The following TNIP3 variants were observed in gnomAD, a reference collection of about 807,000 sequenced individuals.
The protein encoded by TNIP3 is TNFAIP3 interacting protein 3, also known as TNFAIP3-interacting protein 3.
A neutral mutation model predicts 54.1 loss-of-function variants in TNIP3; 34 were observed. The ratio of observed to expected loss-of-function variants is 0.63; its 90% confidence interval spans 0.48 to 0.84. The LOEUF (loss-of-function observed/expected upper bound fraction) is 0.84, where lower values mean the gene tolerates loss of function less well. Among genes scored for constraint, TNIP3 ranks in the 40% least tolerant of loss-of-function variants. The pLI is 0.00. For synonymous variants in TNIP3, 134 were observed against 136.8 expected (o/e 0.98, Z 0.14); for missense variants, 366 against 387.6 (o/e 0.94, Z 0.47).
chr4:121,146,008 C>T (rs1197647687), intron 7 of TNIP3, among the ~76,000 whole-genome samples: 1 of 150,898 alleles, frequency 6.6e-6, no homozygotes, highest in Non-Finnish European at 1.5e-5. Context: ...AGAGAATATA[C>T]AATATATACT....
In TNIP3 at chr4:121,197,045, A is replaced by C. The variant is rs542959567; in HGVS notation, c.69-14249T>G. 1.8e-4 allele frequency among the ~76,000 whole-genome samples: 28 copies of C among 152,270 alleles called. No individual in the cohort carries two copies. In the South Asian group the frequency reaches 2.7e-3, roughly 15 times the overall value. The stretch of plus-strand genomic sequence containing the variant: ...TGACTCAAAGTCTTAATGAACTTAA[A>C]AAATACAATGTGTTAAATACATCAA... On this transcript the variant is annotated intron_variant, in intron 2 of 12. Transcript: ENST00000507879.
chr4:121,173,715 GC>G (rs1283184945), intron 3 of TNIP3, among the ~76,000 whole-genome samples: 1 of 152,078 alleles, frequency 6.6e-6, no homozygotes, highest in Non-Finnish European at 1.5e-5. Context: ...TGAAACCTCT[GC>G]CTCCCGAGTT....
intron 1 of TNIP3, among the ~76,000 whole-genome samples, chr4:121,163,119 A>G (rs1730555093): frequency 6.6e-6 from 1 of 151,160 alleles, no homozygotes; most frequent in Non-Finnish European, 1.5e-5. Context: ...CTAGTTTTTG[A>G]AATTCATAAG....
At chr4:121,144,391 G>A (rs778035424) in intron 7 of TNIP3, among the ~76,000 whole-genome samples, 2 of 151,928 alleles carry the variant, frequency 1.3e-5, no homozygotes, top group Non-Finnish European at 2.9e-5. Flanking sequence ...GTTTTCTAAA[G>A]CGTTTTTTTG....
At chr4:121,220,454 CAG>C (rs774739069), upstream of TNIP3, among the ~76,000 whole-genome samples, 6 of 152,094 alleles carry the variant, frequency 3.9e-5, no homozygotes, top group Non-Finnish European at 8.8e-5. Context: ...AATCTGAAAA[CAG>C]AATGCTTTTA....
upstream of TNIP3, among the ~76,000 whole-genome samples, chr4:121,220,349 G>C (rs939588053): frequency 6.6e-6 from 1 of 152,148 alleles, no homozygotes; most frequent in East Asian, 1.9e-4. Flanking sequence ...ATCTATTAGT[G>C]GTTGTCCACA....
intron 2 of TNIP3, among the ~76,000 whole-genome samples, chr4:121,195,183 A>G (rs548674038): frequency 1.3e-5 from 2 of 151,850 alleles, no homozygotes; most frequent in South Asian, 2.1e-4. Flanking sequence ...CAAAAAAAAA[A>G]CTTCTTAATT....
intron 3 of TNIP3, among the ~76,000 whole-genome samples, chr4:121,174,923 C>T (rs1459387960): frequency 6.6e-6 from 1 of 152,144 alleles, no homozygotes; most frequent in Non-Finnish European, 1.5e-5. Flanking sequence ...TTCAATCAAA[C>T]TAGAAACAAG....
chr4:121,157,075 G>A lies in TNIP3; in HGVS notation c.363+19C>T. On this transcript the variant is annotated intron_variant, in intron 4 of 10. Transcript: ENST00000057513. ...TTTTATTTGGATCCTCCGGGCTCGAGGACCCGGGCCCCGCCCACCTCCTCC... is the reference window on the plus strand; with the variant it reads ...TTTTATTTGGATCCTCCGGGCTCGAAGACCCGGGCCCCGCCCACCTCCTCC... The A allele has an allele frequency of 6.2e-7, 1 of 1,613,392 alleles. No homozygotes were observed. The highest frequency in any genetic ancestry group is 1.7e-5 in the Admixed American group (1 of 59,998).
chr4:121,152,533 A>ATT (rs1268756454), intron 5 of TNIP3, among the ~76,000 whole-genome samples: 10 of 152,268 alleles, frequency 6.6e-5, no homozygotes, highest in Admixed American at 1.3e-4. Flanking sequence ...TTGTCTACCA[A>ATT]ACATATTATA....
intron 1 of TNIP3, 103 bp downstream of exon 1, chr4:121,163,957 C>A: frequency 7.5e-7 from 1 of 1,341,672 alleles, no homozygotes; most frequent in South Asian, 1.7e-5. Context: ...CTAAAGAAAG[C>A]AAACTAGCCA....
rs1325402442 is a variant in TNIP3, at chr4:121,181,622, CA to C, written c.189+1053del. Among the ~76,000 whole-genome samples, 204 of 77,992 alleles carry C rather than the reference CA, an allele frequency of 2.6e-3. 1 individual carries two copies. Among genetic ancestry groups the C allele is most frequent in the African/African-American group, 0.011 (195 of 18,176 alleles). 51.2% of individuals were successfully genotyped at this position (77,992 alleles called of 152,430 possible). A position where few individuals can be genotyped will look rare whatever the true frequency, so the allele number is the denominator to read the frequency against. On this transcript the variant is annotated intron_variant, in intron 3 of 12. Coordinates refer to the TNIP3 transcript ENST00000507879. ...AAGTGAAGAGGGTAAGTTAATAAGACAGGTGTGTGTGTGTGTGTGTGTGTGT... is the reference window on the plus strand; with the variant it reads ...AAGTGAAGAGGGTAAGTTAATAAGACGGTGTGTGTGTGTGTGTGTGTGTGT...
intron 3 of TNIP3, among the ~76,000 whole-genome samples, chr4:121,170,905 T>C (rs1173068671): frequency 6.6e-6 from 1 of 152,122 alleles, no homozygotes; most frequent in African/African-American, 2.4e-5. Context: ...AATCTCTGCC[T>C]CCCGGGTTCA....
chr4:121,179,538 C>T (rs1724558130), intron 3 of TNIP3, among the ~76,000 whole-genome samples: 1 of 152,152 alleles, frequency 6.6e-6, no homozygotes, highest in African/African-American at 2.4e-5. Context: ...GCAAAGAGAT[C>T]TACTTTTAAG....
chr4:121,222,951 G>A (rs1159132909), intron 1 of TNIP3, among the ~76,000 whole-genome samples: 2 of 151,932 alleles, frequency 1.3e-5, no homozygotes, highest in East Asian at 3.9e-4. Context: ...GACTACAGGC[G>A]CCCACCACCA....
chr4:121,224,008 A>G (rs560293220), intron 1 of TNIP3, among the ~76,000 whole-genome samples: 1 of 152,362 alleles, frequency 6.6e-6, no homozygotes, highest in South Asian at 2.1e-4. Flanking sequence ...CCTCAAATGA[A>G]AATAAATGGA....
At chr4:121,158,605 G>A (rs1181777386) in intron 3 of TNIP3, 82 bp downstream of exon 3, 1 of 1,133,360 alleles carries the variant, frequency 8.8e-7, no homozygotes, top group South Asian at 1.3e-5. Flanking sequence ...CTTTGTAGCT[G>A]AAATGAATGA....
intron 10 of TNIP3, among the ~76,000 whole-genome samples, 186 bp downstream of exon 10, chr4:121,138,438 C>A (rs927141186): frequency 1.3e-5 from 2 of 152,198 alleles, no homozygotes; most frequent in Non-Finnish European, 2.9e-5. Flanking sequence ...TTTCTGCATT[C>A]GCACATTTTC....
At chr4:121,180,758 G>A (rs1724644469) in intron 3 of TNIP3, among the ~76,000 whole-genome samples, 1 of 152,214 alleles carries the variant, frequency 6.6e-6, no homozygotes, top group African/African-American at 2.4e-5. Context: ...TTATCATACA[G>A]TGGTGGTTTT....
Sources: gnomAD v4.1 joint callset for allele counts (sites outside exome capture counted in the v4.1 genomes callset) on GRCh38, gnomAD v4.1.1 for gene constraint, MANE v1.5 for transcripts, NCBI Gene and HGNC (gene_info 2026-07-23, HGNC 2026-07-21) for gene names.